PHF19: variants seen among roughly 807,000 people sequenced by gnomAD.
PHF19 encodes the protein PHD finger protein 19.
PHF19 carries 21 observed loss-of-function variants against 79.8 expected under a neutral mutation model. The ratio of observed to expected loss-of-function variants is 0.26; its 90% confidence interval spans 0.19 to 0.38. The LOEUF (loss-of-function observed/expected upper bound fraction) is 0.38. Ranked by LOEUF, PHF19 falls within the 10% of genes least tolerant of loss-of-function variation. The pLI is 1.00. For missense variants in PHF19, 445 were observed against 744.2 expected, an observed-to-expected ratio of 0.60 and a Z score of 4.68; for synonymous variants, 273 against 296.3, an observed-to-expected ratio of 0.92 and a Z score of 0.81.
chr9:120,867,401 G>A (rs1047450573), intron 6 of PHF19, among the ~76,000 whole-genome samples: 2 of 152,212 alleles, frequency 1.3e-5, no homozygotes, highest in East Asian at 1.9e-4. Context: ...TAAGCTGCAC[G>A]GGGGCAAGAC....
Position 120,864,104 on chromosome 9 carries a change from G to T in PHF19, c.913C>A (p.Pro305Thr). ...AGATGTGGTCCTCGATCTGTCACTG[G>T]GGTGCTGGTGAGCTGTGGGAGAGCA... ...LLQLGKLTST[P>T]VTDRGPHLLN... Residue 305 changes from proline (P) to threonine (T), a missense_variant, in exon 10 of 15, where the codon CCA becomes ACA. By Grantham distance (38) the Pro-to-Thr change is conservative. Around this residue, in one of 5 missense-constraint regions of PHF19, gnomAD observed 167 missense variants for 375.8 expected, o/e 0.44. Transcript: ENST00000373896. 3 of 1,613,796 alleles carry T rather than the reference G, an allele frequency of 1.9e-6. No homozygotes were observed. Among genetic ancestry groups the T allele is most frequent in the Non-Finnish European group, 1.7e-6 (2 of 1,179,858 alleles).
intron 1 of PHF19, among the ~76,000 whole-genome samples, chr9:120,890,062 G>A (rs2131596475): frequency 6.6e-6 from 1 of 152,326 alleles, no homozygotes; most frequent in Non-Finnish European, 1.5e-5. Flanking sequence ...AGTGGGATGG[G>A]ACCATCATGC....
chr9:120,883,564 GC>G (rs948543218), intron 1 of PHF19, among the ~76,000 whole-genome samples: 27 of 152,100 alleles, frequency 1.8e-4, no homozygotes, highest in African/African-American at 4.6e-4. Flanking sequence ...TTCGAGCCCA[GC>G]CTGGGCAACT....
At chr9:120,859,956 C>G in intron 14 of PHF19, 134 bp downstream of exon 14, 1 of 633,582 alleles carries the variant, frequency 1.6e-6, no homozygotes, top group Non-Finnish European at 2.9e-6. Flanking sequence ...CTCACAATTG[C>G]AGAAGGCCAG....
intron 1 of PHF19, among the ~76,000 whole-genome samples, chr9:120,888,332 T>C (rs940445303): frequency 6.6e-6 from 1 of 152,100 alleles, no homozygotes; most frequent in African/African-American, 2.4e-5. Flanking sequence ...CAGATGGGAA[T>C]GGAATTGCAG....
At chr9:120,890,873 G>C (rs2046333408) in intron 1 of PHF19, among the ~76,000 whole-genome samples, 1 of 152,192 alleles carries the variant, frequency 6.6e-6, no homozygotes, top group Admixed American at 6.5e-5. Flanking sequence ...GTCAAGTTCA[G>C]TCTTCTTAGT....
intron 1 of PHF19, among the ~76,000 whole-genome samples, chr9:120,894,593 G>A (rs1299925963): frequency 3.9e-5 from 6 of 152,040 alleles, no homozygotes; most frequent in Admixed American, 1.3e-4. Context: ...GATAGGGCGC[G>A]CAGGCCCCGG....
intron 1 of PHF19, chr9:120,894,691 T>C: frequency 2.2e-6 from 1 of 455,748 alleles, no homozygotes; most frequent in Non-Finnish European, 3.4e-6. Flanking sequence ...CGCCGCTCAA[T>C]GCGTTCCATA....
upstream of PHF19, among the ~76,000 whole-genome samples, chr9:120,878,435 C>A (rs1298374495): frequency 1.3e-5 from 2 of 152,172 alleles, no homozygotes; most frequent in Non-Finnish European, 2.9e-5. Flanking sequence ...ACAGCGCCCA[C>A]CTCTGTGGCT....
At chr9:120,864,727 T>C (rs1282934499) in intron 9 of PHF19, among the ~76,000 whole-genome samples, 1 of 123,784 alleles carries the variant, frequency 8.1e-6, no homozygotes, top group Non-Finnish European at 1.9e-5. Context: ...TCTAATAATA[T>C]GGAAAAGTAT....
At chr9:120,901,836 G>A in the PHF19 span, among the ~76,000 whole-genome samples, 1 of 152,204 alleles carries the variant, frequency 6.6e-6, no homozygotes, top group Non-Finnish European at 1.5e-5. Flanking sequence ...CTGACTGGCC[G>A]TTGGGGGCAA....
rs1357918805 is a variant in PHF19, at chr9:120,860,474, G to A, written c.1305-289C>T. 5.0e-6 allele frequency: 2 copies of A among 402,346 alleles called. No homozygotes were observed. The highest frequency in any genetic ancestry group is 3.7e-5 in the Admixed American group (1 of 26,714). 24.9% of individuals were successfully genotyped at this position (402,346 alleles called of 1,614,324 possible). ...GTGCAACACTTCACAGGTCAAAAGT[G>A]CTTTCATTTGCATTATCTTGTTTGA... is the stretch of plus-strand genomic sequence containing the variant. On this transcript the variant is annotated intron_variant, in intron 13 of 14. Transcript: ENST00000373896. The surrounding 1 kb of genome is among the most constrained non-coding windows in gnomAD (Gnocchi z 4.1).
chr9:120,864,220 T>A, intron 9 of PHF19, 104 bp from the exon 10 acceptor site: 1 of 926,248 alleles, frequency 1.1e-6, no homozygotes, highest in Non-Finnish European at 1.7e-6. Context: ...TTCTGAGTCC[T>A]TCAGGTGAGG....
upstream of PHF19, among the ~76,000 whole-genome samples, chr9:120,896,840 C>T (rs2046407008): frequency 6.6e-6 from 1 of 152,198 alleles, no homozygotes; most frequent in Non-Finnish European, 1.5e-5. Flanking sequence ...ATCTACTTAT[C>T]CACCTCCTTC....
chr9:120,869,871 G>A lies in PHF19; in HGVS notation c.439C>T (p.Arg147Cys), dbSNP rs1588112251. 1.2e-6 allele frequency: 2 copies of A among 1,610,992 alleles called. No individual in the cohort carries two copies. The highest frequency in any genetic ancestry group is 8.5e-7 in the Non-Finnish European group (1 of 1,178,792). The stretch of plus-strand genomic sequence containing the variant: ...CGCACAGCCAGTGCGAAGATGCAGC[G>A]TCGGCAGAACCAAGGTGTGAGCAGG... ...QPLLTPWFCR[R>C]CIFALAVRKG... The change falls in exon 5 of 15, where the codon CGC becomes TGC. Residue 147 changes from arginine (R) to cysteine (C), a missense_variant. This residue lies in a region of PHF19 where 167 missense variants were observed against 375.8 expected (regional missense o/e 0.44). Coordinates refer to ENST00000373896, the MANE Select transcript of PHF19 (RefSeq NM_015651.3). This position sits in a 1 kb window ranked among gnomAD's most constrained non-coding sequence, Gnocchi z 5.8.
At chr9:120,863,113 C>T (rs1260082206) in intron 10 of PHF19, 1 of 214,632 alleles carries the variant, frequency 4.7e-6, no homozygotes, top group Non-Finnish European at 9.5e-6. Context: ...TCTCTGGTTT[C>T]CCCAGGAGAC....
intron 1 of PHF19, among the ~76,000 whole-genome samples, chr9:120,892,975 C>T (rs988211339): frequency 2.5e-4 from 38 of 152,280 alleles, no homozygotes; most frequent in Admixed American, 9.2e-4. Flanking sequence ...CATTTCCTAG[C>T]GACTGGGACC....
At chr9:120,902,725 AC>A in the PHF19 span, 91 of 152,140 alleles carry the variant, frequency 6.0e-4, no homozygotes, top group Non-Finnish European at 1.1e-3. Flanking sequence ...TCCCTCCTTC[AC>A]CAGCTGGATC....
At chr9:120,887,411 G>A (rs1166586831) in intron 1 of PHF19, among the ~76,000 whole-genome samples, 2 of 152,138 alleles carry the variant, frequency 1.3e-5, no homozygotes, top group African/African-American at 4.8e-5. Context: ...CCGAGATCAC[G>A]CCATTGCACT....
Sources: gnomAD v4.1 joint callset for allele counts (sites outside exome capture counted in the v4.1 genomes callset) on GRCh38, gnomAD v4.1.1 for gene constraint, gnomAD v4.1.1 regional missense constraint, Gnocchi (gnomAD v3.1) non-coding constraint, MANE v1.5 for transcripts, NCBI Gene and HGNC (gene_info 2026-07-23, HGNC 2026-07-21) for gene names.